The following DMXL1 variants were observed in gnomAD, a reference collection of about 807,000 sequenced individuals.
The protein encoded by DMXL1 is Dmx like 1, also known as dmX-like protein 1.
In DMXL1, 99 loss-of-function variants were observed where a neutral mutation model predicts 319.2. The ratio of observed to expected loss-of-function variants is 0.31; its 90% CI spans 0.26 to 0.37. DMXL1 has a LOEUF of 0.37. DMXL1 is among the 10% of genes least tolerant of loss of function. The pLI is 1.00. For synonymous variants in DMXL1, 1,385 were observed against 1,235.2 expected (o/e 1.12, Z -2.54); for missense variants, 3,745 against 3,595.6 (o/e 1.04, Z -1.06).
chr5:119,247,364 T>G lies in DMXL1; in HGVS notation c.*145T>G. ...TTATGGAGCTTTGCCCTTGATGCAC[T>G]GATGCCTTAAAAATTAACAAGGTCA... is the stretch of plus-strand genomic sequence containing the variant. On this transcript the variant is annotated 3_prime_UTR_variant, in exon 44 of 44. Transcript: ENST00000539542. 1.6e-6 allele frequency: 1 copy of G among 607,388 alleles called. No individual in the cohort carries two copies. Among genetic ancestry groups the G allele is most frequent in the South Asian group, 2.4e-5 (1 of 42,030 alleles). 37.6% of individuals were successfully genotyped at this position (607,388 alleles called of 1,614,324 possible). A position where few individuals can be genotyped will look rare whatever the true frequency, so the allele number is the denominator to read the frequency against.
intron 43 of DMXL1, 90 bp downstream of exon 43, chr5:119,244,666 A>T: frequency 4.7e-6 from 4 of 842,706 alleles, no homozygotes; most frequent in Non-Finnish European, 7.5e-6. Flanking sequence ...ATCTATTTAA[A>T]TAATAGTTAT....
At chr5:119,240,516 C>A in intron 42 of DMXL1, 45 bp downstream of exon 42, 2 of 1,275,562 alleles carry the variant, frequency 1.6e-6, no homozygotes, top group South Asian at 1.2e-5. Context: ...TCAGGAAATT[C>A]ATAAGCTAAA....
rs748630424 is a variant in DMXL1 at position 119,166,678 on chromosome 5, G to A, written c.5033G>A (p.Arg1678His). The A allele has an allele frequency of 1.2e-5, 19 of 1,612,008 alleles. No homozygotes were observed. The highest frequency in any genetic ancestry group is 7.7e-5 in the South Asian group (7 of 90,710). Residue 1678 changes from arginine (R) to histidine (H), a missense_variant, in exon 22 of 44, where the codon CGT becomes CAT. Physicochemically the swap from Arg to His is conservative, Grantham distance 29. This residue lies in a region of DMXL1 where 5 missense variants were observed against 20.2 expected (regional missense o/e 0.25). Coordinates refer to ENST00000539542, the MANE Select transcript of DMXL1 (RefSeq NM_001290321.3). Reference protein sequence around the residue: ...FGHNFEDERWRKAALKNAFSL... With the variant: ...FGHNFEDERWHKAALKNAFSL... ...CACAATTTTGAGGATGAGAGGTGGC[G>A]TAAAGCAGCTTTAAAGAATGCTTTT...
intron 1 of DMXL1, among the ~76,000 whole-genome samples, chr5:119,077,754 A>AGTGTGTGTGTGTGTGT (rs59365686): frequency 2.4e-5 from 3 of 125,336 alleles, no homozygotes; most frequent in African/African-American, 9.7e-5. Context: ...TTATTTTTTA[A>AGTGTGTGTGTGTGTGT]GTGTGTGTGT....
intron 43 of DMXL1, among the ~76,000 whole-genome samples, chr5:119,245,749 A>G (rs1276392877): frequency 6.6e-6 from 1 of 152,126 alleles, no homozygotes; most frequent in Non-Finnish European, 1.5e-5. Context: ...CATGTTGGCC[A>G]GGATGGTCTC....
chr5:119,158,929 T>G (rs985638803), intron 19 of DMXL1, among the ~76,000 whole-genome samples: 14 of 152,206 alleles, frequency 9.2e-5, no homozygotes, highest in Admixed American at 9.2e-4. Flanking sequence ...TCAGGGATAA[T>G]GGCCTATAAT....
intron 35 of DMXL1, 93 bp downstream of exon 35, chr5:119,217,080 A>G (rs1783825761): frequency 1.4e-6 from 1 of 704,692 alleles, no homozygotes; most frequent in Non-Finnish European, 2.2e-6. Flanking sequence ...TTCTTTCCCA[A>G]AGCTGCTTCC....
intron 5 of DMXL1, among the ~76,000 whole-genome samples, chr5:119,113,984 T>C (rs1486369862): frequency 6.6e-6 from 1 of 152,196 alleles, no homozygotes; most frequent in African/African-American, 2.4e-5. Context: ...AAAGTTCCTT[T>C]GAGAAGAAAA....
At chr5:119,122,118 C>T (rs1484735723) in intron 9 of DMXL1, among the ~76,000 whole-genome samples, 1 of 137,118 alleles carries the variant, frequency 7.3e-6, no homozygotes, top group Non-Finnish European at 1.6e-5. Flanking sequence ...CCGGACGGGG[C>T]GGCTGGCCGG....
chr5:119,236,374 C>A (rs1787757577), intron 39 of DMXL1: 1 of 151,818 alleles, frequency 6.6e-6, no homozygotes, highest in Admixed American at 6.6e-5. Context: ...CATAATTATG[C>A]AAAGGTATAT....
chr5:119,086,110 A>G (rs1753297691), intron 1 of DMXL1, among the ~76,000 whole-genome samples: 1 of 152,220 alleles, frequency 6.6e-6, no homozygotes, highest in East Asian at 1.9e-4. Context: ...CCTCACAATC[A>G]TGGCTGAAGG....
intron 28 of DMXL1, among the ~76,000 whole-genome samples, chr5:119,181,897 G>A (rs189348009): frequency 2.0e-4 from 31 of 152,218 alleles, no homozygotes; most frequent in African/African-American, 7.0e-4. Context: ...TGTGGAGTAC[G>A]GATCCACTGA....
chr5:119,114,671 TTTG>T, intron 6 of DMXL1, 130 bp downstream of exon 6: 3 of 688,134 alleles, frequency 4.4e-6, no homozygotes, highest in Non-Finnish European at 2.4e-6. Flanking sequence ...AATTGTTTTT[TTTG>T]TTTGTTTGTT....
rs1561549916 is a variant in DMXL1 at position 119,089,300 on chromosome 5, T to TGCA, written c.88-8679_88-8678insGCA. Among the ~76,000 whole-genome samples, 23 of 61,484 alleles carry TGCA rather than the reference T, an allele frequency of 3.7e-4. No homozygotes were observed. The East Asian group carries it at 9.5e-3, about 25-fold the overall frequency. 40.3% of individuals were successfully genotyped at this position (61,484 alleles called of 152,430 possible). A position where few individuals can be genotyped will look rare whatever the true frequency, so the allele number is the denominator to read the frequency against. Reference sequence around the variant, plus strand: ...TACATATATATATATATATTTTTTTTTTTTTTTTTTTTTTTTTTTTTTTGA... The same window carrying TGCA: ...TACATATATATATATATATTTTTTTTGCATTTTTTTTTTTTTTTTTTTTTTTGA... On this transcript the variant is annotated intron_variant, in intron 1 of 43. Coordinates refer to ENST00000539542, the MANE Select transcript of DMXL1 (RefSeq NM_001290321.3).
intron 25 of DMXL1, among the ~76,000 whole-genome samples, chr5:119,173,471 T>C (rs1461905157): frequency 6.6e-6 from 1 of 151,896 alleles, no homozygotes; most frequent in Non-Finnish European, 1.5e-5. Context: ...TACTAATGTC[T>C]GGACTCTCTC....
chr5:119,079,937 C>G (rs775468993), intron 1 of DMXL1, among the ~76,000 whole-genome samples: 9 of 152,186 alleles, frequency 5.9e-5, no homozygotes, highest in Non-Finnish European at 1.3e-4. Flanking sequence ...CCTTGGTCCT[C>G]TTCTCGTTTC....
At chr5:119,136,661 G>C (rs1766056721) in intron 13 of DMXL1, among the ~76,000 whole-genome samples, 1 of 152,246 alleles carries the variant, frequency 6.6e-6, no homozygotes, top group African/African-American at 2.4e-5. Context: ...AGCTGCTCTA[G>C]CTCCAGCCAT....
chr5:119,145,310 C>A (rs1017099421), intron 15 of DMXL1, among the ~76,000 whole-genome samples: 13 of 151,694 alleles, frequency 8.6e-5, no homozygotes, highest in African/African-American at 3.1e-4. Context: ...TGTCTTTCTG[C>A]CACCTTTTCC....
At chr5:119,182,388 A>G (rs1265974102) in intron 28 of DMXL1, among the ~76,000 whole-genome samples, 5 of 152,196 alleles carry the variant, frequency 3.3e-5, no homozygotes, top group African/African-American at 1.2e-4. Flanking sequence ...TGAAGATGAA[A>G]TACATTGTAT....
Sources: allele counts gnomAD v4.1 joint callset (sites outside exome capture counted in the v4.1 genomes callset), GRCh38; gene constraint gnomAD v4.1.1; regional missense constraint gnomAD v4.1.1; transcripts MANE v1.5; gene names NCBI Gene and HGNC (gene_info 2026-07-23, HGNC 2026-07-21).